P4HA2: variants seen among roughly 807,000 people sequenced by gnomAD.
P4HA2 encodes prolyl 4-hydroxylase subunit alpha-2.
Under a neutral mutation model 76.9 loss-of-function variants are expected in P4HA2, and 46 were observed. The ratio of observed to expected loss-of-function variants is 0.60; its 90% CI spans 0.47 to 0.76. The LOEUF is 0.76. Among genes scored for constraint, P4HA2 ranks in the 30% least tolerant of loss-of-function variants. P4HA2 has a pLI of 0.00. For synonymous variants in P4HA2, 243 were observed against 254.0 expected, an observed-to-expected ratio of 0.96 and a Z score of 0.41; for missense variants, 583 against 669.4, an observed-to-expected ratio of 0.87 and a Z score of 1.42.
In P4HA2 at chr5:132,198,195, A is replaced by T. The variant is rs773886698; in HGVS notation, c.1365+126T>A. The T allele has an allele frequency of 1.9e-6, 3 of 1,614,176 alleles. No individual in the cohort carries two copies. In the East Asian group the frequency reaches 6.7e-5, roughly 36 times the overall value. The stretch of plus-strand genomic sequence containing the variant: ...GTCCCCTTAGGGCTCATCAGCACAC[A>T]TCATACTCACGTAGTTTAAGAAAGT... On this transcript the variant is annotated intron_variant, in intron 12 of 14. Coordinates refer to ENST00000360568, the MANE Select transcript of P4HA2 (RefSeq NM_001017974.2).
intron 10 of P4HA2, 50 bp downstream of exon 10, chr5:132,203,698 G>T: frequency 8.4e-7 from 1 of 1,196,944 alleles, no homozygotes; most frequent in Non-Finnish European, 1.2e-6. Flanking sequence ...AGACCATCTA[G>T]CCACAAATAC....
rs564286593 is a variant in P4HA2, at chr5:132,217,857, G to C, written c.83-9C>G. On this transcript the variant is annotated splice_polypyrimidine_tract_variant and intron_variant, in intron 2 of 14. Transcript: ENST00000360568. The stretch of plus-strand genomic sequence containing the variant: ...CAGGTCAGTCATGTGCCCTGCAAGG[G>C]AGAGAAGAAAGACACCAGTGAGAAA... 1 of 1,572,126 alleles carries C rather than the reference G, an allele frequency of 6.4e-7. No homozygotes were observed. The highest frequency in any genetic ancestry group is 1.7e-5 in the Admixed American group (1 of 58,166).
At chr5:132,211,356 G>A (rs758443069) in intron 5 of P4HA2, among the ~76,000 whole-genome samples, 6 of 152,210 alleles carry the variant, frequency 3.9e-5, no homozygotes, top group Non-Finnish European at 7.3e-5. Context: ...TGAGAAAGCA[G>A]ATACCATGGA....
Position 132,195,023 on chromosome 5 carries a change from C to G in P4HA2, c.1435-1G>C. The G allele has an allele frequency of 6.2e-7, 1 of 1,603,570 alleles. No homozygotes were observed. Among genetic ancestry groups the G allele is most frequent in the Non-Finnish European group, 8.5e-7 (1 of 1,170,310 alleles). The stretch of plus-strand genomic sequence containing the variant: ...GGTTGTACCAGAACACAGCTGTACC[C>G]TGGGAAAGAGATGGCCTTTCAGAAC... On this transcript the variant is annotated splice_acceptor_variant, in intron 13 of 14. Transcript: ENST00000360568. LOFTEE classifies it high-confidence loss of function.
intron 1 of P4HA2, among the ~76,000 whole-genome samples, chr5:132,225,350 C>T (rs1755227508): frequency 1.3e-5 from 2 of 152,214 alleles, no homozygotes; most frequent in African/African-American, 2.4e-5. Context: ...TAGCCCTCTG[C>T]ACACTATCAG....
chr5:132,201,733 T>C lies in P4HA2; in HGVS notation c.1251+2015A>G, dbSNP rs1348096029. 5 of 152,088 alleles carry C rather than the reference T, an allele frequency of 3.3e-5. No homozygotes were observed. The East Asian group carries it at 9.6e-4, about 29-fold the overall frequency. 9.4% of individuals were successfully genotyped at this position (152,088 alleles called of 1,614,324 possible). On this transcript the variant is annotated intron_variant, in intron 10 of 14. Coordinates refer to ENST00000360568, the MANE Select transcript of P4HA2 (RefSeq NM_001017974.2). ...CCCAGACAATTGAGCTACAACACAA[T>C]GAGAGGCCAGACAAGATAAAGGCTG...
intron 10 of P4HA2, chr5:132,202,119 C>T (rs548223322): frequency 6.6e-5 from 10 of 152,208 alleles, no homozygotes; most frequent in East Asian, 1.9e-4. Context: ...CTTACACATA[C>T]GCAGCAAGTG....
intron 6 of P4HA2, among the ~76,000 whole-genome samples, chr5:132,210,082 C>T (rs549813221): frequency 2.0e-3 from 304 of 152,268 alleles, no homozygotes; most frequent in African/African-American, 7.0e-3. Context: ...TCAGCGACTG[C>T]GCAAACCTAA....
At chr5:132,220,165 C>T (rs1580747877) in intron 1 of P4HA2, among the ~76,000 whole-genome samples, 1 of 152,372 alleles carries the variant, frequency 6.6e-6, no homozygotes, top group Middle Eastern at 3.4e-3. Context: ...TGCCCTGAGG[C>T]AGAGTCCAGG....
Position 132,193,243 on chromosome 5 carries a change from C to A in P4HA2, c.1532-163G>T, listed in dbSNP as rs1190446255. 1.2e-5 allele frequency: 7 copies of A among 588,824 alleles called. No individual in the cohort carries two copies. In the Admixed American group the frequency reaches 1.7e-4, roughly 14 times the overall value. 36.5% of individuals were successfully genotyped at this position (588,824 alleles called of 1,614,324 possible). ...TTTGCTGAAGAATTGGTAAGGAAGA[C>A]ACATGTAAACAGATAATTGTATGAA... is the stretch of plus-strand genomic sequence containing the variant. On this transcript the variant is annotated intron_variant, in intron 14 of 14. Transcript: ENST00000360568.
rs1295204492 is a variant in P4HA2 at position 132,190,609 on chromosome 5, T to C, written c.*2401A>G. Reference sequence around the variant, plus strand: ...AAAGATAAACCTAAATGACAAAGACTATATAGCTTTCAGAAGAGAACACAG... The same window carrying C: ...AAAGATAAACCTAAATGACAAAGACCATATAGCTTTCAGAAGAGAACACAG... On this transcript the variant is annotated 3_prime_UTR_variant, in exon 15 of 15. Coordinates refer to ENST00000360568, the MANE Select transcript of P4HA2 (RefSeq NM_001017974.2). 1.3e-5 allele frequency among the ~76,000 whole-genome samples: 2 copies of C among 152,154 alleles called. No homozygotes were observed. The highest frequency in any genetic ancestry group is 1.3e-4 in the Admixed American group (2 of 15,274).
At chr5:132,226,213 A>G (rs1413041321) in intron 1 of P4HA2, among the ~76,000 whole-genome samples, 3 of 152,224 alleles carry the variant, frequency 2.0e-5, no homozygotes, top group Admixed American at 1.3e-4. Flanking sequence ...AACAAGCAGC[A>G]GACCCCAAAA....
At chr5:132,201,704 G>A (rs1252845323) in intron 10 of P4HA2, 1 of 152,174 alleles carries the variant, frequency 6.6e-6, no homozygotes, top group Non-Finnish European at 1.5e-5. Flanking sequence ...TCTGGCATTC[G>A]GGCCCCAGAC....
intron 2 of P4HA2, 114 bp downstream of exon 2, chr5:132,218,431 G>T: frequency 1.5e-6 from 1 of 684,272 alleles, no homozygotes; most frequent in South Asian, 1.8e-5. Context: ...CTCAGAACTG[G>T]CCAAAACCAG....
rs181650990 is a variant in P4HA2, at chr5:132,224,637, T to C, written c.-19+3153A>G. The stretch of plus-strand genomic sequence containing the variant: ...CTGGAATCAGGTATAATGTAGTACA[T>C]TGATCATCAGGGGATAACCCTGGAA... On this transcript the variant is annotated intron_variant, in intron 1 of 14. Coordinates refer to ENST00000360568, the MANE Select transcript of P4HA2 (RefSeq NM_001017974.2). Among the ~76,000 whole-genome samples, 6 of 152,324 alleles carry C rather than the reference T, an allele frequency of 3.9e-5. No homozygotes were observed. The East Asian group carries it at 9.6e-4, about 24-fold the overall frequency.
chr5:132,210,550 G>T (rs1474634194), intron 5 of P4HA2, 27 bp from the exon 6 acceptor site: 2 of 1,612,822 alleles, frequency 1.2e-6, no homozygotes, highest in Non-Finnish European at 1.7e-6. Flanking sequence ...AAATTGTCAG[G>T]CTCCAAAGAG....
rs200373484 is a variant in P4HA2, at chr5:132,198,867, T to G, written c.1305+12A>C. The G allele has an allele frequency of 1.9e-4, 303 of 1,599,566 alleles. No homozygotes were observed. In the African/African-American group the frequency reaches 3.8e-3, roughly 20 times the overall value. The stretch of plus-strand genomic sequence containing the variant: ...CAGGGCCCTTTGAAAGCACCTGTGA[T>G]TTAGGCCTTACCCTAGAGAAGTCGA... On this transcript the variant is annotated intron_variant, in intron 11 of 14. Transcript: ENST00000360568.
rs1396612209 is a variant in P4HA2, at chr5:132,217,319, C to G, written c.209G>C (p.Ser70Thr). Reference protein sequence around the residue: ...SWANKMEALTSKSAADAEGYL... With the variant: ...SWANKMEALTTKSAADAEGYL... ...GCCCTCAGCATCAGCAGCTGACTTG[C>G]TAGTCAAGGCTTCCATTTTGTTGGC... The change falls in exon 4 of 15, where the codon AGC becomes ACC. Residue 70 changes from serine to threonine, a missense_variant. Ser to Thr is a moderately conservative substitution (Grantham distance 58). Transcript: ENST00000360568. 6.2e-7 allele frequency: 1 copy of G among 1,614,144 alleles called. No individual in the cohort carries two copies. The highest frequency in any genetic ancestry group is 1.7e-5 in the Admixed American group (1 of 60,018).
chr5:132,195,613 G>A (rs1750520124), intron 12 of P4HA2, 133 bp from the exon 13 acceptor site: 1 of 701,574 alleles, frequency 1.4e-6, no homozygotes, highest in Non-Finnish European at 2.6e-6. Flanking sequence ...TCTGCTCCAT[G>A]GCCAGCCCTT....
Sources: gnomAD v4.1 joint callset for allele counts (sites outside exome capture counted in the v4.1 genomes callset) on GRCh38, gnomAD v4.1.1 for gene constraint, MANE v1.5 for transcripts, NCBI Gene and HGNC (gene_info 2026-07-23, HGNC 2026-07-21) for gene names.